SEL1L3: variants seen among roughly 807,000 people sequenced by gnomAD.
The protein encoded by SEL1L3 is SEL1L family member 3, also known as protein sel-1 homolog 3.
Under a neutral mutation model 142.8 loss-of-function variants are expected in SEL1L3, and 76 were observed. That is an observed-to-expected ratio of 0.53 (90% confidence interval 0.44 to 0.64). SEL1L3 has a LOEUF of 0.64. SEL1L3 is among the 30% of genes least tolerant of loss of function. The pLI is 0.00. For synonymous variants in SEL1L3, 504 were observed against 519.6 expected (o/e 0.97, Z 0.41); for missense variants, 1,262 against 1,381.7 (o/e 0.91, Z 1.37).
At chr4:25,828,923 T>C (rs1368512515) in intron 6 of SEL1L3, among the ~76,000 whole-genome samples, 1 of 152,214 alleles carries the variant, frequency 6.6e-6, no homozygotes, top group Non-Finnish European at 1.5e-5. Context: ...TTCTGATGCA[T>C]TTTTTAAAAT....
intron 2 of SEL1L3, among the ~76,000 whole-genome samples, chr4:25,839,772 T>C (rs1716056136): frequency 6.6e-6 from 1 of 152,172 alleles, no homozygotes. Context: ...TAAATTTTTT[T>C]ATTGTTACCG....
chr4:25,809,424 C>T (rs1470500056), intron 9 of SEL1L3, among the ~76,000 whole-genome samples: 2 of 151,866 alleles, frequency 1.3e-5, no homozygotes, highest in East Asian at 3.9e-4. Flanking sequence ...GGATTACAGG[C>T]TTGAGCCACG....
chr4:25,842,151 T>C (rs1466130988), intron 2 of SEL1L3, among the ~76,000 whole-genome samples: 1 of 151,876 alleles, frequency 6.6e-6, no homozygotes, highest in Non-Finnish European at 1.5e-5. Context: ...AATCTTTGTT[T>C]AATTGAATGA....
intron 1 of SEL1L3, among the ~76,000 whole-genome samples, chr4:25,858,625 C>T (rs749722359): frequency 9.2e-5 from 14 of 151,914 alleles, no homozygotes; most frequent in African/African-American, 1.5e-4. Flanking sequence ...CTCACTCTGT[C>T]GCCAGGCTGG....
chr4:25,822,111 T>C lies in SEL1L3; in HGVS notation c.1175A>G (p.His392Arg), dbSNP rs1714802596. ...GAAGTACCCAGCTGTGTCATTATAA[T>C]GGAAATCCTCCCGGAAGCTAGAGAA... is the stretch of plus-strand genomic sequence containing the variant. ...NQTISFREDF[H>R]YNDTAGYFII... The change falls in exon 7 of 24, where the codon CAT becomes CGT. Residue 392 changes from histidine to arginine, a missense_variant. This residue lies in a region of SEL1L3 where 689 missense variants were observed against 692.8 expected (regional missense o/e 0.99). Transcript: ENST00000399878. The C allele has an allele frequency of 6.2e-7, 1 of 1,613,978 alleles. No individual in the cohort carries two copies. Among genetic ancestry groups the C allele is most frequent in the Non-Finnish European group, 8.5e-7 (1 of 1,179,864 alleles).
intron 15 of SEL1L3, among the ~76,000 whole-genome samples, chr4:25,780,755 T>A (rs943063512): frequency 1.4e-5 from 2 of 146,676 alleles, no homozygotes; most frequent in Non-Finnish European, 3.0e-5. Flanking sequence ...AAAAATTATA[T>A]ATAAACTATA....
In SEL1L3 at chr4:25,812,546, C is replaced by T. The variant is rs537417403; in HGVS notation, c.1564+5592G>A. Reference sequence around the variant, plus strand: ...ACCAGCCTGGCCAACATGGCGAAACCCTGTCTCTACTAAAAATTAGCCAGG... The same window carrying T: ...ACCAGCCTGGCCAACATGGCGAAACTCTGTCTCTACTAAAAATTAGCCAGG... On this transcript the variant is annotated intron_variant, in intron 9 of 23. Coordinates refer to ENST00000399878, the MANE Select transcript of SEL1L3 (RefSeq NM_015187.5). 5.9e-5 allele frequency among the ~76,000 whole-genome samples: 9 copies of T among 151,662 alleles called. No individual in the cohort carries two copies. The South Asian group carries it at 1.7e-3, about 28-fold the overall frequency.
chr4:25,812,164 T>C (rs1714076964), intron 9 of SEL1L3, among the ~76,000 whole-genome samples: 1 of 152,172 alleles, frequency 6.6e-6, no homozygotes, highest in Non-Finnish European at 1.5e-5. Flanking sequence ...CCTTCTTCTA[T>C]ATGACCACAC....
intron 2 of SEL1L3, among the ~76,000 whole-genome samples, chr4:25,837,529 G>A (rs115625155): frequency 8.8e-4 from 133 of 151,812 alleles, no homozygotes; most frequent in African/African-American, 3.0e-3. Context: ...GAAGGAAAAA[G>A]CTCAGCCCCA....
intron 11 of SEL1L3, among the ~76,000 whole-genome samples, chr4:25,792,371 C>T (rs774283687): frequency 1.3e-5 from 2 of 152,208 alleles, no homozygotes; most frequent in Non-Finnish European, 2.9e-5. Context: ...AGCTCTCTGG[C>T]GCTCCCATGG....
At chr4:25,732,612 G>A in the SEL1L3 span, among the ~76,000 whole-genome samples, 1 of 152,010 alleles carries the variant, frequency 6.6e-6, no homozygotes, top group Non-Finnish European at 1.5e-5. Flanking sequence ...GTACTTTTTT[G>A]CCATCCTCAT....
At chr4:25,725,606 G>T in the SEL1L3 span, among the ~76,000 whole-genome samples, 2 of 152,104 alleles carry the variant, frequency 1.3e-5, no homozygotes, top group Non-Finnish European at 2.9e-5. Flanking sequence ...GAGCTACTGC[G>T]CCCGGCCCTG....
chr4:25,826,604 G>A (rs1560335966), intron 6 of SEL1L3, among the ~76,000 whole-genome samples: 1 of 152,172 alleles, frequency 6.6e-6, no homozygotes, highest in Non-Finnish European at 1.5e-5. Flanking sequence ...CAGGAGTACA[G>A]GCAGGGCAGC....
chr4:25,765,513 A>G (rs973531442), intron 19 of SEL1L3, 78 bp from the exon 20 acceptor site: 7 of 881,478 alleles, frequency 7.9e-6, no homozygotes, highest in East Asian at 2.4e-5. Context: ...GCGCATTCAC[A>G]TGAATGCAAG....
the SEL1L3 span, among the ~76,000 whole-genome samples, chr4:25,722,981 T>A: frequency 8.5e-5 from 13 of 152,172 alleles, no homozygotes; most frequent in Non-Finnish European, 1.8e-4. Flanking sequence ...CAAGGAGAGT[T>A]ACGTGGACAA....
chr4:25,739,713 C>CA, the SEL1L3 span, among the ~76,000 whole-genome samples: 1 of 129,726 alleles, frequency 7.7e-6, no homozygotes, highest in Non-Finnish European at 1.6e-5. Flanking sequence ...CAAAAAAAAA[C>CA]AAAAAACAAA....
At chr4:25,787,609 C>T (rs1047600638) in intron 13 of SEL1L3, among the ~76,000 whole-genome samples, 4 of 152,198 alleles carry the variant, frequency 2.6e-5, no homozygotes, top group East Asian at 1.9e-4. Context: ...TGTGAGCCAC[C>T]GCGCCAGGCC....
At chr4:25,780,338 C>G (rs1362733765) in intron 15 of SEL1L3, among the ~76,000 whole-genome samples, 2 of 152,158 alleles carry the variant, frequency 1.3e-5, no homozygotes, top group Non-Finnish European at 2.9e-5. Context: ...TAGGCAGGAT[C>G]CAGGAGGAAC....
intron 1 of SEL1L3, among the ~76,000 whole-genome samples, chr4:25,858,881 G>A (rs971095895): frequency 6.6e-6 from 1 of 152,178 alleles, no homozygotes; most frequent in Non-Finnish European, 1.5e-5. Context: ...ACCGCGCCCA[G>A]CCTCTGTGCT....
Sources: gnomAD v4.1 joint callset for allele counts (sites outside exome capture counted in the v4.1 genomes callset) on GRCh38, gnomAD v4.1.1 for gene constraint, gnomAD v4.1.1 regional missense constraint, MANE v1.5 for transcripts, NCBI Gene and HGNC (gene_info 2026-07-23, HGNC 2026-07-21) for gene names.